SLC24A3: variants seen among roughly 807,000 people sequenced by gnomAD.
The protein encoded by SLC24A3 is sodium/potassium/calcium exchanger 3.
In SLC24A3, 28 loss-of-function variants were observed where a neutral mutation model predicts 75.8. That is an observed-to-expected ratio of 0.37 (90% confidence interval 0.27 to 0.51). The LOEUF (loss-of-function observed/expected upper bound fraction) is 0.51, where lower values mean the gene tolerates loss of function less well. SLC24A3 is among the 20% of genes least tolerant of loss of function. The pLI is 0.94. For missense variants in SLC24A3, 663 were observed against 847.8 expected, an observed-to-expected ratio of 0.78 and a Z score of 2.71; for synonymous variants, 372 against 334.1, an observed-to-expected ratio of 1.11 and a Z score of -1.24.
At chr20:19,421,831 C>T (rs1378563095) in intron 2 of SLC24A3, among the ~76,000 whole-genome samples, 3 of 152,192 alleles carry the variant, frequency 2.0e-5, no homozygotes, top group Admixed American at 1.3e-4. Context: ...CAGGCTTCTC[C>T]CTTCTGCAAA....
At chr20:19,639,034 C>T (rs4813366) in intron 6 of SLC24A3, among the ~76,000 whole-genome samples, 19,515 of 152,178 alleles carry the variant, frequency 0.13, 1,340 homozygotes, top group Admixed American at 0.15. Context: ...CTGGCTCCGG[C>T]AGCCTGCTTT....
At chr20:19,524,849 C>T (rs1216205704) in intron 3 of SLC24A3, among the ~76,000 whole-genome samples, 2 of 152,084 alleles carry the variant, frequency 1.3e-5, no homozygotes, top group African/African-American at 4.8e-5. Flanking sequence ...TAATGAGGTA[C>T]TACTATTTGG....
At chr20:19,370,573 T>G (rs1985975237) in intron 2 of SLC24A3, among the ~76,000 whole-genome samples, 1 of 152,280 alleles carries the variant, frequency 6.6e-6, no homozygotes, top group Non-Finnish European at 1.5e-5. Flanking sequence ...GGACACCAGC[T>G]GGCTCCCTGC....
At chr20:19,708,894 A>G (rs564985350) in intron 15 of SLC24A3, among the ~76,000 whole-genome samples, 46 of 152,314 alleles carry the variant, frequency 3.0e-4, no homozygotes, top group African/African-American at 7.9e-4. Context: ...TCCAGATCCT[A>G]CTGTGGAAGG....
At chr20:19,657,374 CCAA>C (rs1434450005) in intron 7 of SLC24A3, among the ~76,000 whole-genome samples, 1 of 152,200 alleles carries the variant, frequency 6.6e-6, no homozygotes, top group African/African-American at 2.4e-5. Context: ...TGCATTTTAA[CCAA>C]CATCTTCCCT....
At chr20:19,649,237 G>C (rs1212330868) in intron 6 of SLC24A3, among the ~76,000 whole-genome samples, 1 of 152,202 alleles carries the variant, frequency 6.6e-6, no homozygotes, top group Non-Finnish European at 1.5e-5. Flanking sequence ...GAGTCACATG[G>C]TTTCCGGTCT....
At chr20:19,517,552 T>C (rs1482367964) in intron 3 of SLC24A3, among the ~76,000 whole-genome samples, 2 of 152,206 alleles carry the variant, frequency 1.3e-5, no homozygotes, top group Admixed American at 1.3e-4. Context: ...TCCCTAAGAA[T>C]GGGCATGAGT....
chr20:19,463,743 C>A (rs1023105194), intron 2 of SLC24A3, among the ~76,000 whole-genome samples: 2 of 152,150 alleles, frequency 1.3e-5, no homozygotes, highest in Admixed American at 6.5e-5. Context: ...ACCTGACTTG[C>A]GGAGGTGGCC....
intron 2 of SLC24A3, among the ~76,000 whole-genome samples, chr20:19,410,566 C>T (rs1986725512): frequency 1.3e-5 from 2 of 152,024 alleles, no homozygotes; most frequent in Admixed American, 1.3e-4. Context: ...AAATACGCCT[C>T]TTCATCCCTG....
intron 3 of SLC24A3, among the ~76,000 whole-genome samples, chr20:19,555,677 C>T (rs1028490415): frequency 6.6e-6 from 1 of 152,130 alleles, no homozygotes; most frequent in African/African-American, 2.4e-5. Context: ...CAGAACAGAG[C>T]ATCGTAAAAC....
At chr20:19,484,368 CAT>C (rs1988099504) in intron 2 of SLC24A3, among the ~76,000 whole-genome samples, 1 of 152,304 alleles carries the variant, frequency 6.6e-6, no homozygotes, top group African/African-American at 2.4e-5. Flanking sequence ...CGACCTGTCA[CAT>C]GAGGTCAGGT....
chr20:19,462,167 G>C (rs1320467016), intron 2 of SLC24A3, among the ~76,000 whole-genome samples: 1 of 152,128 alleles, frequency 6.6e-6, no homozygotes, highest in Non-Finnish European at 1.5e-5. Flanking sequence ...TCAAACTGTA[G>C]TTCCCCTCAG....
At chr20:19,247,843 G>T (rs766488280) in intron 1 of SLC24A3, among the ~76,000 whole-genome samples, 3 of 152,160 alleles carry the variant, frequency 2.0e-5, no homozygotes, top group African/African-American at 7.2e-5. Flanking sequence ...CTTTTTAGAT[G>T]TTTTATATCT....
chr20:19,327,088 C>G (rs1984880156), intron 2 of SLC24A3, among the ~76,000 whole-genome samples: 2 of 152,260 alleles, frequency 1.3e-5, no homozygotes, highest in South Asian at 4.2e-4. Flanking sequence ...TAATATTTAG[C>G]TACCAAGTAT....
intron 3 of SLC24A3, among the ~76,000 whole-genome samples, chr20:19,518,362 G>A (rs932771530): frequency 2.0e-5 from 3 of 152,230 alleles, no homozygotes; most frequent in South Asian, 4.1e-4. Context: ...GTCTTGTGAA[G>A]AGAACCACTT....
chr20:19,358,697 T>C (rs1985733054), intron 2 of SLC24A3, among the ~76,000 whole-genome samples: 1 of 152,224 alleles, frequency 6.6e-6, no homozygotes, highest in Non-Finnish European at 1.5e-5. Context: ...ATTTAGTACA[T>C]TCACGTTGCT....
In SLC24A3 at chr20:19,466,774, G is replaced by A. The variant is rs138513036; in HGVS notation, c.272-48714G>A. Reference sequence around the variant, plus strand: ...CCGGTGTCTATTTAAAGCACCTCTCGTCTTTCGAATGTACAGAGATTCTGC... The same window carrying A: ...CCGGTGTCTATTTAAAGCACCTCTCATCTTTCGAATGTACAGAGATTCTGC... On this transcript the variant is annotated intron_variant, in intron 2 of 16. Coordinates refer to ENST00000328041, the MANE Select transcript of SLC24A3 (RefSeq NM_020689.4). 2.0e-4 allele frequency among the ~76,000 whole-genome samples: 31 copies of A among 151,370 alleles called. No individual in the cohort carries two copies. The East Asian group carries it at 5.0e-3, about 24-fold the overall frequency.
chr20:19,226,316 GATCA>G (rs1981868600), intron 1 of SLC24A3, among the ~76,000 whole-genome samples: 1 of 152,072 alleles, frequency 6.6e-6, no homozygotes, highest in Non-Finnish European at 1.5e-5. Context: ...GGATTTGATT[GATCA>G]TATTCGGTTG....
At chr20:19,527,768 C>T (rs909529705) in intron 3 of SLC24A3, among the ~76,000 whole-genome samples, 3 of 152,198 alleles carry the variant, frequency 2.0e-5, no homozygotes, top group Admixed American at 6.5e-5. Context: ...AAAGACATAG[C>T]ATCTAAACAA....
Sources: allele counts gnomAD v4.1 joint callset (sites outside exome capture counted in the v4.1 genomes callset), GRCh38; gene constraint gnomAD v4.1.1; transcripts MANE v1.5; gene names NCBI Gene and HGNC (gene_info 2026-07-23, HGNC 2026-07-21).